The following LIN37 variants were observed in gnomAD, a reference collection of about 807,000 sequenced individuals.
The protein encoded by LIN37 is protein lin-37 homolog.
In LIN37, 21 loss-of-function variants were observed where a neutral mutation model predicts 38.0. That is an observed-to-expected ratio of 0.55 (90% CI 0.39 to 0.80). LIN37 has a LOEUF of 0.80. LIN37 is among the 30% of genes least tolerant of loss of function. The probability of loss-of-function intolerance (pLI) is 0.00; values close to 1 mark genes in which losing one functional copy is unlikely to be tolerated. For missense variants in LIN37, 273 were observed against 338.5 expected (o/e 0.81, Z 1.52); for synonymous variants, 126 against 122.9 (o/e 1.03, Z -0.17).
chr19:35,752,635 TC>T, intron 3 of LIN37, 151 bp downstream of exon 3: 3 of 1,245,558 alleles, frequency 2.4e-6, no homozygotes, highest in South Asian at 2.6e-5. Flanking sequence ...GAAGCTTAGG[TC>T]CCCCCGTGGT....
chr19:35,749,816 A>AG (rs1555739418), intron 1 of LIN37, among the ~76,000 whole-genome samples: 8 of 91,950 alleles, frequency 8.7e-5, no homozygotes, highest in Admixed American at 9.1e-5. Flanking sequence ...AAAAAAAAAA[A>AG]AAAGAAAGGA....
chr19:35,752,993 C>A lies in LIN37; in HGVS notation c.271C>A (p.Arg91=). The part of the protein sequence containing the change: ...DDGLAEGGPQ[R]SNTYVIKLFD... ...TGGGCTGGCTGAGGGAGGGCCGCAG[C>A]GATCCAGTGAGTAGACAGTGGCCCT... The change falls in exon 5 of 9, where the codon CGA becomes AGA. Residue 91 remains arginine, a synonymous_variant. Transcript: ENST00000301159. The A allele has an allele frequency of 6.4e-7, 1 of 1,568,058 alleles. No individual in the cohort carries two copies. The highest frequency in any genetic ancestry group is 2.4e-5 in the East Asian group (1 of 42,530).
At chr19:35,752,129 AGCTGGG>A (rs1326320998) in intron 1 of LIN37, 41 bp from the exon 2 acceptor site, 10 of 1,459,294 alleles carry the variant, frequency 6.9e-6, no homozygotes, top group Non-Finnish European at 8.5e-6. Context: ...CTGCCCACCT[AGCTGGG>A]GCCTGGGAGC....
Position 35,748,670 on chromosome 19 carries a change from C to T in LIN37, c.-55C>T, listed in dbSNP as rs774945231. 9.9e-6 allele frequency: 16 copies of T among 1,611,582 alleles called. No homozygotes were observed. The African/African-American group carries it at 1.7e-4, about 17-fold the overall frequency. The stretch of plus-strand genomic sequence containing the variant: ...CGCCTTCTCCCGCCTTGACTTGTGA[C>T]CCTAGGCCCTTTGGGGCGCCTCTGA... On this transcript the variant is annotated 5_prime_UTR_variant, in exon 1 of 9. Transcript: ENST00000301159.
intron 1 of LIN37, 23 bp downstream of exon 1, chr19:35,748,781 C>A: frequency 6.2e-7 from 1 of 1,613,678 alleles, no homozygotes; most frequent in Non-Finnish European, 8.5e-7. Context: ...ACGTCGGGGG[C>A]CTGTCGGGAC....
intron 6 of LIN37, 72 bp from the exon 7 acceptor site, chr19:35,753,945 G>T: frequency 6.5e-7 from 1 of 1,543,524 alleles, no homozygotes; most frequent in South Asian, 1.2e-5. Context: ...AAAGGCAGGA[G>T]GGATGAATGT....
At position 35,748,694 on chromosome 19, in the gene LIN37, G is replaced by A. The variant is rs1970635413; in HGVS notation, c.-31G>A. Reference sequence around the variant, plus strand: ...ACCCTAGGCCCTTTGGGGCGCCTCTGACCCAGCTAGCCAGATCCCGGACCC... The same window carrying A: ...ACCCTAGGCCCTTTGGGGCGCCTCTAACCCAGCTAGCCAGATCCCGGACCC... On this transcript the variant is annotated 5_prime_UTR_variant, in exon 1 of 9. Transcript: ENST00000301159. 1 of 1,613,770 alleles carries A rather than the reference G, an allele frequency of 6.2e-7. No individual in the cohort carries two copies. Among genetic ancestry groups the A allele is most frequent in the Non-Finnish European group, 8.5e-7 (1 of 1,179,744 alleles).
In LIN37 at chr19:35,753,158, C is replaced by T. The variant is rs1292175813; in HGVS notation, c.349C>T (p.Pro117Ser). Residue 117 changes from proline (P) to serine (S), a missense_variant, in exon 6 of 9, where the codon CCA becomes TCA. Pro to Ser is a moderately conservative substitution (Grantham distance 74). Coordinates refer to ENST00000301159, the MANE Select transcript of LIN37 (RefSeq NM_019104.3). Reference protein sequence around the residue: ...AQFSENTPLYPICRAWMRNSP... With the variant: ...AQFSENTPLYSICRAWMRNSP... ...GTTCAGCGAGAACACGCCACTGTAC[C>T]CAATCTGCCGCGCCTGGATGCGCAA... The T allele has an allele frequency of 6.3e-7, 1 of 1,595,820 alleles. No homozygotes were observed. Among genetic ancestry groups the T allele is most frequent in the Admixed American group, 1.7e-5 (1 of 57,482 alleles).
intron 7 of LIN37, 21 bp from the exon 8 acceptor site, chr19:35,754,225 C>G (rs1970722182): frequency 1.1e-5 from 18 of 1,614,004 alleles, no homozygotes; most frequent in Non-Finnish European, 1.5e-5. Context: ...GCCACTCAAC[C>G]TGGCCTGTCT....
chr19:35,749,986 T>C (rs1249553220), intron 1 of LIN37, among the ~76,000 whole-genome samples: 1 of 152,056 alleles, frequency 6.6e-6, no homozygotes, highest in East Asian at 1.9e-4. Context: ...GTCAGGTTTG[T>C]TATTTTTCAG....
Position 35,753,086 on chromosome 19 carries a change from G to T in LIN37, c.278-1G>T. On this transcript the variant is annotated splice_acceptor_variant, in intron 5 of 8. Coordinates refer to ENST00000301159, the MANE Select transcript of LIN37 (RefSeq NM_019104.3). LOFTEE classifies it high-confidence loss of function. ...CACACCTCCCATCCCCACCTTCCCAGACACATATGTGATCAAGCTGTTCGA... is the reference window on the plus strand; with the variant it reads ...CACACCTCCCATCCCCACCTTCCCATACACATATGTGATCAAGCTGTTCGA... 6.2e-6 allele frequency: 10 copies of T among 1,604,968 alleles called. No individual in the cohort carries two copies. Among genetic ancestry groups the T allele is most frequent in the Non-Finnish European group, 8.5e-6 (10 of 1,175,800 alleles).
In LIN37 at chr19:35,753,186, G is replaced by T; in HGVS notation, c.377G>T (p.Ser126Ile). The change falls in exon 6 of 9, where the codon AGC (serine) becomes ATC (isoleucine). Residue 126 changes from serine to isoleucine, a missense_variant. Physicochemically the swap from Ser to Ile is moderately radical, Grantham distance 142 (BLOSUM62 -2). Transcript: ENST00000301159. ...ATCTGCCGCGCCTGGATGCGCAACA[G>T]CCCCTCTGTGCGCGAGCGTGAATGC... is the stretch of plus-strand genomic sequence containing the variant. ...YPICRAWMRN[S>I]PSVRERECSP... The T allele has an allele frequency of 3.8e-6, 6 of 1,577,062 alleles. No homozygotes were observed. Among genetic ancestry groups the T allele is most frequent in the Non-Finnish European group, 5.2e-6 (6 of 1,161,912 alleles).
chr19:35,750,929 C>T (rs1168261347), intron 1 of LIN37, among the ~76,000 whole-genome samples: 1 of 151,472 alleles, frequency 6.6e-6, no homozygotes, highest in Non-Finnish European at 1.5e-5. Flanking sequence ...CCACTGCACT[C>T]CAGCCTGGGA....
chr19:35,753,821 C>T lies in LIN37; in HGVS notation c.445-196C>T. ...AGTCTCTGGGCTGGATAGGAGAAGA[C>T]AGGGGTCCCTGGGGCAGGCACACTT... On this transcript the variant is annotated intron_variant, in intron 6 of 8. Coordinates refer to ENST00000301159, the MANE Select transcript of LIN37 (RefSeq NM_019104.3). 9.7e-6 allele frequency: 6 copies of T among 616,994 alleles called. No homozygotes were observed. In the South Asian group the frequency reaches 1.2e-4, roughly 12 times the overall value. The allele number at this position is 616,994 out of a possible 1,614,324, so 38.2% of individuals were successfully genotyped here. A position where few individuals can be genotyped will look rare whatever the true frequency, so the allele number is the denominator to read the frequency against.
chr19:35,749,881 GAAGGTGTA>G (rs1272127822), intron 1 of LIN37, among the ~76,000 whole-genome samples: 1 of 152,104 alleles, frequency 6.6e-6, no homozygotes, highest in Non-Finnish European at 1.5e-5. Flanking sequence ...GATGGTGAGG[GAAGGTGTA>G]CACCTGTGAG....
rs1399585155 is a variant in LIN37, at chr19:35,754,174, GGCCCA to G, written c.585+19_585+23del. 6.2e-7 allele frequency: 1 copy of G among 1,613,866 alleles called. No individual in the cohort carries two copies. Among genetic ancestry groups the G allele is most frequent in the East Asian group, 2.2e-5 (1 of 44,898 alleles). ...GACGATGAGGTGAGTATGCCAGGCT[GGCCCA>G]GGGTTATGGGGCACATGCGGTAGGG... On this transcript the variant is annotated intron_variant, in intron 7 of 8. Coordinates refer to ENST00000301159, the MANE Select transcript of LIN37 (RefSeq NM_019104.3).
chr19:35,749,736 C>T (rs538131965), intron 1 of LIN37, among the ~76,000 whole-genome samples: 3 of 146,796 alleles, frequency 2.0e-5, no homozygotes, highest in East Asian at 2.0e-4. Flanking sequence ...GCCGGGGAGG[C>T]GGAGGTTGCA....
At chr19:35,752,855 C>T in intron 4 of LIN37, 22 bp downstream of exon 4, 5 of 1,603,652 alleles carry the variant, frequency 3.1e-6, no homozygotes, top group Non-Finnish European at 4.3e-6. Context: ...GGGTCCCAGC[C>T]AGCTGACTAG....
intron 8 of LIN37, 26 bp from the exon 9 acceptor site, chr19:35,754,367 G>C: frequency 6.2e-7 from 1 of 1,613,946 alleles, no homozygotes; most frequent in South Asian, 1.1e-5. Flanking sequence ...CTTTGCAACT[G>C]CTGAGTCTCC....
Sources: allele counts gnomAD v4.1 joint callset (sites outside exome capture counted in the v4.1 genomes callset), GRCh38; gene constraint gnomAD v4.1.1; transcripts MANE v1.5; gene names NCBI Gene and HGNC (gene_info 2026-07-23, HGNC 2026-07-21).